XPO1: variants seen among roughly 807,000 people sequenced by gnomAD.
XPO1 encodes the protein exportin 1.
Under a neutral mutation model 133.3 loss-of-function variants are expected in XPO1, and 5 were observed. The ratio of observed to expected loss-of-function variants is 0.04; its 90% CI spans 0.02 to 0.08. The LOEUF (loss-of-function observed/expected upper bound fraction) is 0.08, where lower values mean the gene tolerates loss of function less well. Ranked by LOEUF, XPO1 falls within the 10% of genes least tolerant of loss-of-function variation. The probability of loss-of-function intolerance (pLI) is 1.00; values close to 1 mark genes in which losing one functional copy is unlikely to be tolerated. For missense variants in XPO1, 506 were observed against 1,267.5 expected (o/e 0.40, Z 9.12); for synonymous variants, 419 against 408.2 (o/e 1.03, Z -0.32).
intron 24 of XPO1, among the ~76,000 whole-genome samples, chr2:61,480,784 CA>C (rs1696309378): frequency 6.6e-6 from 1 of 151,982 alleles, no homozygotes; most frequent in South Asian, 2.1e-4. Context: ...AAACCCTTCC[CA>C]AAAGTATGAA....
chr2:61,516,335 AT>A (rs1260475309), intron 4 of XPO1, among the ~76,000 whole-genome samples: 2 of 151,832 alleles, frequency 1.3e-5, no homozygotes, highest in Non-Finnish European at 2.9e-5. Context: ...AAAAAAAAAA[AT>A]CAAACCTTGT....
intron 19 of XPO1, among the ~76,000 whole-genome samples, chr2:61,487,333 A>G (rs1361205287): frequency 1.3e-5 from 2 of 152,208 alleles, no homozygotes; most frequent in African/African-American, 4.8e-5. Context: ...AATTCCTTCA[A>G]TACATCTTAC....
chr2:61,505,359 G>T (rs1697747245), intron 4 of XPO1, among the ~76,000 whole-genome samples: 1 of 149,790 alleles, frequency 6.7e-6, no homozygotes, highest in African/African-American at 2.5e-5. Flanking sequence ...TAAATTATAA[G>T]AATTAACTTG....
chr2:61,492,844 A>T lies in XPO1; in HGVS notation c.1384+71T>A, dbSNP rs763412458. 6.4e-7 allele frequency: 1 copy of T among 1,556,980 alleles called. No individual in the cohort carries two copies. Among genetic ancestry groups the T allele is most frequent in the African/African-American group, 1.4e-5 (1 of 72,960 alleles). On this transcript the variant is annotated intron_variant, in intron 13 of 24. Transcript: ENST00000401558. The surrounding 1 kb of genome is among the most constrained non-coding windows in gnomAD (Gnocchi z 5.6). Reference sequence around the variant, plus strand: ...GAAAATATTTAGAAACTACAAGTACATTTCCTAAAATGTATTTCCACCCCA... The same window carrying T: ...GAAAATATTTAGAAACTACAAGTACTTTTCCTAAAATGTATTTCCACCCCA...
chr2:61,496,821 TG>T, intron 10 of XPO1, 57 bp downstream of exon 10: 2 of 1,395,228 alleles, frequency 1.4e-6, no homozygotes, highest in Non-Finnish European at 1.9e-6. Context: ...ATTTGGAATT[TG>T]GTATTTTCTA....
intron 4 of XPO1, among the ~76,000 whole-genome samples, chr2:61,506,999 A>C (rs1460944196): frequency 6.6e-6 from 1 of 151,776 alleles, no homozygotes; most frequent in African/African-American, 2.4e-5. Flanking sequence ...GGAGGCCGAG[A>C]CGGGCAGATC....
intron 19 of XPO1, 123 bp downstream of exon 19, chr2:61,488,042 G>A: frequency 1.3e-6 from 1 of 786,834 alleles, no homozygotes; most frequent in Non-Finnish European, 2.1e-6. Context: ...TAAATAAAAT[G>A]CCATAAAATA....
At chr2:61,533,166 G>A (rs926021797) in intron 2 of XPO1, among the ~76,000 whole-genome samples, 14 of 152,278 alleles carry the variant, frequency 9.2e-5, no homozygotes, top group Admixed American at 6.5e-4. Flanking sequence ...ACCACAGAGC[G>A]AGACTGTCTC....
chr2:61,498,000 A>G (rs2104482146), intron 9 of XPO1, among the ~76,000 whole-genome samples: 1 of 152,374 alleles, frequency 6.6e-6, no homozygotes, highest in African/African-American at 2.4e-5. Context: ...TAATGTTCCA[A>G]TTAGATACTT....
intron 2 of XPO1, among the ~76,000 whole-genome samples, chr2:61,532,029 T>C (rs1024079126): frequency 6.6e-6 from 1 of 152,214 alleles, no homozygotes; most frequent in African/African-American, 2.4e-5. Context: ...TTATACATGA[T>C]GCTTTTTGGA....
At chr2:61,519,123 G>A (rs928003871) in intron 4 of XPO1, among the ~76,000 whole-genome samples, 1 of 151,896 alleles carries the variant, frequency 6.6e-6, no homozygotes, top group African/African-American at 2.4e-5. Context: ...GCTAATTTTT[G>A]TATTTTTAGT....
At chr2:61,515,858 TG>T (rs1698349217) in intron 4 of XPO1, among the ~76,000 whole-genome samples, 1 of 137,342 alleles carries the variant, frequency 7.3e-6, no homozygotes, top group Admixed American at 7.5e-5. Context: ...CCGAGGAGGG[TG>T]GATCACGAGG....
intron 4 of XPO1, among the ~76,000 whole-genome samples, chr2:61,520,123 T>C (rs1015861888): frequency 6.6e-6 from 1 of 152,144 alleles, no homozygotes; most frequent in Non-Finnish European, 1.5e-5. Flanking sequence ...TGAACAAATA[T>C]ATATGCTATG....
chr2:61,497,315 G>T (rs888102907), intron 9 of XPO1, among the ~76,000 whole-genome samples: 1 of 152,104 alleles, frequency 6.6e-6, no homozygotes, highest in African/African-American at 2.4e-5. Context: ...GGATTCAAGC[G>T]ATTCTCCTGC....
At chr2:61,495,431 G>T in intron 11 of XPO1, 24 bp downstream of exon 11, 1 of 1,492,608 alleles carries the variant, frequency 6.7e-7, no homozygotes, top group Non-Finnish European at 9.0e-7. Context: ...AGAATTTTAG[G>T]AGCAAAAGCT....
intron 11 of XPO1, 38 bp downstream of exon 11, chr2:61,495,417 G>T: frequency 6.7e-7 from 1 of 1,481,506 alleles, no homozygotes; most frequent in Non-Finnish European, 9.0e-7. Flanking sequence ...TTAGTAGGCA[G>T]AGCAGAATTT....
chr2:61,502,070 C>G (rs578021429), intron 5 of XPO1, 30 bp from the exon 6 acceptor site: 1 of 1,577,520 alleles, frequency 6.3e-7, no homozygotes, highest in Non-Finnish European at 8.6e-7. Flanking sequence ...TAAATGAGAG[C>G]CTGAGGTAAG....
chr2:61,497,057 C>T, intron 9 of XPO1, 50 bp from the exon 10 acceptor site: 1 of 1,558,164 alleles, frequency 6.4e-7, no homozygotes, highest in Admixed American at 2.1e-5. Flanking sequence ...CTGATACACA[C>T]TTTACTTAAA....
At chr2:61,488,527 A>C (rs1696804943) in intron 18 of XPO1, 61 bp downstream of exon 18, 3 of 1,501,406 alleles carry the variant, frequency 2.0e-6, no homozygotes, top group East Asian at 4.5e-5. Context: ...GTTTGACTTA[A>C]GGCAGTAGAA....
Sources: gnomAD v4.1 joint callset for allele counts (sites outside exome capture counted in the v4.1 genomes callset) on GRCh38, gnomAD v4.1.1 for gene constraint, Gnocchi (gnomAD v3.1) non-coding constraint, MANE v1.5 for transcripts, NCBI Gene and HGNC (gene_info 2026-07-23, HGNC 2026-07-21) for gene names.